The following ZBBX variants were observed in gnomAD, a reference collection of about 807,000 sequenced individuals.
ZBBX encodes the protein zinc finger B-box domain-containing protein 1.
In ZBBX, 101 loss-of-function variants were observed where a neutral mutation model predicts 108.5. The ratio of observed to expected loss-of-function variants is 0.93; its 90% CI spans 0.79 to 1.10. The LOEUF is 1.10. ZBBX is among the 50% of genes least tolerant of loss of function. The pLI, the probability that ZBBX is intolerant of heterozygous loss-of-function variation, is 0.00. For synonymous variants in ZBBX, 356 were observed against 323.4 expected (o/e 1.10, Z -1.08); for missense variants, 1,009 against 941.4 (o/e 1.07, Z -0.94).
intron 20 of ZBBX, among the ~76,000 whole-genome samples, chr3:167,262,696 G>T (rs554486279): frequency 6.6e-6 from 1 of 152,124 alleles, no homozygotes; most frequent in East Asian, 1.9e-4. Flanking sequence ...ATCTTGGCAG[G>T]TTGTATATGC....
chr3:167,222,293 G>T, the ZBBX span, among the ~76,000 whole-genome samples: 1 of 151,568 alleles, frequency 6.6e-6, no homozygotes, highest in African/African-American at 2.4e-5. Context: ...ATGTTAACTG[G>T]AATAAGCCAG....
At chr3:167,306,464 A>C (rs1324069407) in intron 16 of ZBBX, among the ~76,000 whole-genome samples, 1 of 152,232 alleles carries the variant, frequency 6.6e-6, no homozygotes, top group Non-Finnish European at 1.5e-5. Flanking sequence ...CTACAAAGTG[A>C]ACAAGATTGT....
At chr3:167,218,868 T>C in the ZBBX span, among the ~76,000 whole-genome samples, 1 of 152,028 alleles carries the variant, frequency 6.6e-6, no homozygotes, top group African/African-American at 2.4e-5. Flanking sequence ...CTGAATAATC[T>C]TTTGCCTACA....
intron 9 of ZBBX, among the ~76,000 whole-genome samples, chr3:167,348,314 GAGAAAGAAAGAAAGAA>G (rs71176641): frequency 2.1e-3 from 138 of 65,578 alleles, no homozygotes; most frequent in Admixed American, 3.2e-3. Context: ...GAGAAAGAAA[GAGAAAGAAAGAAAGAA>G]AGAAAGAAAG....
intron 20 of ZBBX, among the ~76,000 whole-genome samples, chr3:167,242,921 A>C (rs1235636054): frequency 1.4e-5 from 1 of 69,484 alleles, no homozygotes; most frequent in Non-Finnish European, 3.1e-5. Flanking sequence ...ATAAAATTTC[A>C]AAAAAAAAAT....
At position 167,325,151 on chromosome 3, in the gene ZBBX, G is replaced by A. The variant is rs1033412581; in HGVS notation, c.862+2791C>T. Among the ~76,000 whole-genome samples, 5 of 151,996 alleles carry A rather than the reference G, an allele frequency of 3.3e-5. 1 individual carries two copies. Among genetic ancestry groups the A allele is most frequent in the Admixed American group, 3.3e-4 (5 of 15,242 alleles). On this transcript the variant is annotated intron_variant, in intron 11 of 21. Transcript: ENST00000675490. Reference sequence around the variant, plus strand: ...CTTCTTCTACTTGCTTTCCAAACTCGTGTGATACAGTTGAAAAGAGGCAGT... The same window carrying A: ...CTTCTTCTACTTGCTTTCCAAACTCATGTGATACAGTTGAAAAGAGGCAGT...
intron 9 of ZBBX, among the ~76,000 whole-genome samples, chr3:167,340,355 A>C (rs1740324990): frequency 6.6e-6 from 1 of 152,146 alleles, no homozygotes; most frequent in Non-Finnish European, 1.5e-5. Context: ...CTATGGCAGG[A>C]TGCAATAAAC....
At chr3:167,275,924 G>T (rs922795221) in intron 20 of ZBBX, among the ~76,000 whole-genome samples, 10 of 152,296 alleles carry the variant, frequency 6.6e-5, no homozygotes, top group African/African-American at 2.4e-4. Flanking sequence ...GCACACAGCT[G>T]GAGATCTGAG....
the ZBBX span, among the ~76,000 whole-genome samples, chr3:167,207,836 A>C: frequency 6.6e-6 from 1 of 152,188 alleles, no homozygotes; most frequent in African/African-American, 2.4e-5. Flanking sequence ...ATCAAAAAGC[A>C]TGTTCATAAG....
In ZBBX at chr3:167,330,945, T is replaced by TTCTCTCTC. The variant is rs151154237; in HGVS notation, c.688-2837_688-2830dup. On this transcript the variant is annotated intron_variant, in intron 10 of 21. Transcript: ENST00000675490. ...TATCTCTTCTCTCTCCTCTCTTTCT[T>TTCTCTCTC]TCTCTCTCTCTCTCTCTCTCCCCCA... is the stretch of plus-strand genomic sequence containing the variant. Among the ~76,000 whole-genome samples the TTCTCTCTC allele has an allele frequency of 1.5e-3, 128 of 87,214 alleles. 8 individuals carry two copies. The highest frequency in any genetic ancestry group is 5.3e-3 in the African/African-American group (122 of 23,030). 57.2% of individuals were successfully genotyped at this position (87,214 alleles called of 152,430 possible).
At chr3:167,244,273 C>T (rs572056007) in intron 20 of ZBBX, among the ~76,000 whole-genome samples, 10 of 152,110 alleles carry the variant, frequency 6.6e-5, no homozygotes, top group Admixed American at 3.9e-4. Context: ...CCTATTTTTC[C>T]GTATGGTAAA....
chr3:167,340,269 A>C (rs1740311806), intron 9 of ZBBX, among the ~76,000 whole-genome samples: 1 of 152,100 alleles, frequency 6.6e-6, no homozygotes, highest in South Asian at 2.1e-4. Context: ...TAAATTATTC[A>C]TATTATCATA....
At chr3:167,260,045 A>T (rs1724204295) in intron 20 of ZBBX, among the ~76,000 whole-genome samples, 1 of 152,148 alleles carries the variant, frequency 6.6e-6, no homozygotes, top group African/African-American at 2.4e-5. Flanking sequence ...GAATTCTCTC[A>T]GCATTTGTTT....
chr3:167,324,410 C>A (rs1737009787), intron 11 of ZBBX, among the ~76,000 whole-genome samples: 2 of 152,138 alleles, frequency 1.3e-5, no homozygotes, highest in African/African-American at 4.8e-5. Flanking sequence ...CATAAGCCAG[C>A]AGACCCAGTC....
intron 9 of ZBBX, among the ~76,000 whole-genome samples, chr3:167,342,646 C>T (rs897989795): frequency 4.0e-5 from 6 of 151,678 alleles, no homozygotes; most frequent in African/African-American, 9.7e-5. Context: ...TTTTCCCTAT[C>T]CACTAACTAC....
intron 9 of ZBBX, among the ~76,000 whole-genome samples, chr3:167,350,209 A>G (rs895423058): frequency 6.6e-6 from 1 of 152,164 alleles, no homozygotes; most frequent in Admixed American, 6.6e-5. Context: ...TTCTGCAACT[A>G]CGTTAAAACA....
intron 16 of ZBBX, among the ~76,000 whole-genome samples, chr3:167,309,450 A>G (rs916970799): frequency 6.6e-6 from 1 of 152,166 alleles, no homozygotes; most frequent in Non-Finnish European, 1.5e-5. Context: ...ACAGACTTCT[A>G]CCTGGACATT....
chr3:167,368,765 T>C (rs1745724309), intron 4 of ZBBX, 191 bp from the exon 5 acceptor site: 1 of 1,232,502 alleles, frequency 8.1e-7, no homozygotes, highest in South Asian at 2.8e-5. Context: ...AAGCAAATTA[T>C]CTCTTCAAAT....
At chr3:167,191,916 TATATATATATATATATATAG>T in the ZBBX span, among the ~76,000 whole-genome samples, 1 of 103,280 alleles carries the variant, frequency 9.7e-6, no homozygotes, top group South Asian at 3.1e-4. Context: ...TATATATATA[TATATATATATATATATATAG>T]AGCAAGTTAT....
Sources: allele counts gnomAD v4.1 joint callset (sites outside exome capture counted in the v4.1 genomes callset), GRCh38; gene constraint gnomAD v4.1.1; transcripts MANE v1.5; gene names NCBI Gene and HGNC (gene_info 2026-07-23, HGNC 2026-07-21).